CNIH3: variants seen among roughly 807,000 people sequenced by gnomAD.
CNIH3 encodes the protein cornichon family AMPA receptor auxiliary protein 3.
Under a neutral mutation model 24.1 loss-of-function variants are expected in CNIH3, and 14 were observed. The observed-to-expected ratio is 0.58, with a 90% CI of 0.38 to 0.91. The LOEUF is 0.91. CNIH3 is among the 40% of genes least tolerant of loss of function. The pLI, the probability that CNIH3 is intolerant of heterozygous loss-of-function variation, is 0.00. For synonymous variants in CNIH3, 68 were observed against 73.8 expected, an observed-to-expected ratio of 0.92 and a Z score of 0.40; for missense variants, 178 against 196.8, an observed-to-expected ratio of 0.90 and a Z score of 0.57.
chr1:224,609,769 C>A (rs1374721525), intron 3 of CNIH3, among the ~76,000 whole-genome samples: 1 of 152,144 alleles, frequency 6.6e-6, no homozygotes, highest in Non-Finnish European at 1.5e-5. Context: ...TCCCATGAAT[C>A]CAAAGGCATT....
At chr1:224,570,910 T>C (rs1680790673) in intron 4 of CNIH3, among the ~76,000 whole-genome samples, 1 of 148,334 alleles carries the variant, frequency 6.7e-6, no homozygotes, top group Non-Finnish European at 1.5e-5. Flanking sequence ...TCATATTTCT[T>C]TTTTTTTTTT....
chr1:224,673,535 A>C (rs1412495674), intron 1 of CNIH3, among the ~76,000 whole-genome samples: 1 of 152,072 alleles, frequency 6.6e-6, no homozygotes, highest in Non-Finnish European at 1.5e-5. Context: ...GCTCCTGGAC[A>C]TTCAGTCCTC....
At chr1:224,590,614 C>G (rs1681711580), downstream of CNIH3, among the ~76,000 whole-genome samples, 1 of 152,172 alleles carries the variant, frequency 6.6e-6, no homozygotes, top group Non-Finnish European at 1.5e-5. Flanking sequence ...ACCAAACTTG[C>G]AGTCTTAAGC....
At chr1:224,463,773 A>ATTTATTTATT (rs1676034230) in intron 1 of CNIH3, among the ~76,000 whole-genome samples, 1 of 20,730 alleles carries the variant, frequency 4.8e-5, no homozygotes, top group Admixed American at 8.8e-4. Flanking sequence ...AATTGTCCTC[A>ATTTATTTATT]TTTTTTTTTT....
intron 3 of CNIH3, among the ~76,000 whole-genome samples, chr1:224,593,949 T>C (rs1681869482): frequency 1.3e-5 from 2 of 152,138 alleles, no homozygotes; most frequent in South Asian, 4.2e-4. Context: ...AGTAAACAAA[T>C]GAAAGGTAGG....
chr1:224,503,398 C>G (rs890373667), intron 1 of CNIH3, among the ~76,000 whole-genome samples: 11 of 152,224 alleles, frequency 7.2e-5, no homozygotes, highest in African/African-American at 2.2e-4. Flanking sequence ...CACCCTCCCC[C>G]CTCTTATTTC....
rs1228281520 is a variant in CNIH3, at chr1:224,617,148, G to A, written c.-27G>A. The A allele has an allele frequency of 6.2e-7, 1 of 1,612,866 alleles. No individual in the cohort carries two copies. The highest frequency in any genetic ancestry group is 8.5e-7 in the Non-Finnish European group (1 of 1,179,402). On this transcript the variant is annotated 5_prime_UTR_variant, in exon 1 of 6. The change creates a new upstream start codon in the 5' untranslated region. Transcript: ENST00000272133. ...CGGGCTCCTAGGGGCTTCTTGGCGT[G>A]TGTGGTGGGATTGGGGTCCGCCGGC... is the stretch of plus-strand genomic sequence containing the variant.
chr1:224,669,343 T>C (rs528972827), intron 1 of CNIH3, among the ~76,000 whole-genome samples: 6 of 152,344 alleles, frequency 3.9e-5, no homozygotes, highest in African/African-American at 1.2e-4. Context: ...TCCCAATTTG[T>C]ACTCATCATT....
chr1:224,607,226 A>C (rs1314465941), intron 3 of CNIH3, among the ~76,000 whole-genome samples: 3 of 152,088 alleles, frequency 2.0e-5, no homozygotes, highest in Admixed American at 2.0e-4. Context: ...ATAAAAGAAA[A>C]TGGTGGGAGG....
At chr1:224,493,195 T>G (rs1227631139) in intron 1 of CNIH3, among the ~76,000 whole-genome samples, 1 of 152,266 alleles carries the variant, frequency 6.6e-6, no homozygotes, top group Non-Finnish European at 1.5e-5. Flanking sequence ...GGAAGTTATT[T>G]GGCTAGTCTT....
At chr1:224,473,060 G>C (rs1175878921) in intron 1 of CNIH3, among the ~76,000 whole-genome samples, 1 of 152,024 alleles carries the variant, frequency 6.6e-6, no homozygotes, top group Non-Finnish European at 1.5e-5. Context: ...TTTTACTGTG[G>C]ATGATAGAGA....
chr1:224,540,848 A>G (rs200899277), downstream of CNIH3, among the ~76,000 whole-genome samples: 1 of 152,220 alleles, frequency 6.6e-6, no homozygotes, highest in East Asian at 1.9e-4. Context: ...TAATTATACA[A>G]TTTTGCATTT....
intron 1 of CNIH3, among the ~76,000 whole-genome samples, chr1:224,520,758 T>A (rs1208877693): frequency 6.6e-6 from 1 of 152,238 alleles, no homozygotes; most frequent in African/African-American, 2.4e-5. Flanking sequence ...GAACTCCTGC[T>A]TATTCCTTGC....
chr1:224,690,107 A>G (rs1686858943), intron 3 of CNIH3, among the ~76,000 whole-genome samples: 1 of 152,248 alleles, frequency 6.6e-6, no homozygotes, highest in Non-Finnish European at 1.5e-5. Flanking sequence ...TGGTATGAGA[A>G]TAAGGAGAAA....
chr1:224,473,352 C>T (rs977654612), intron 1 of CNIH3, among the ~76,000 whole-genome samples: 10 of 151,930 alleles, frequency 6.6e-5, no homozygotes, highest in Non-Finnish European at 1.5e-4. Context: ...AATTGGTAAT[C>T]GACTACACTC....
chr1:224,483,566 T>A (rs562739516), intron 1 of CNIH3, among the ~76,000 whole-genome samples: 1 of 146,680 alleles, frequency 6.8e-6, no homozygotes, highest in African/African-American at 2.5e-5. Context: ...ATTTTTGTAT[T>A]TTTTTTTTTT....
intron 3 of CNIH3, among the ~76,000 whole-genome samples, chr1:224,547,168 G>C (rs989076467): frequency 9.2e-5 from 14 of 152,186 alleles, no homozygotes; most frequent in African/African-American, 3.1e-4. Flanking sequence ...GATGACTGGG[G>C]AAGAATAAAG....
chr1:224,506,285 G>GCGCA lies in CNIH3; in HGVS notation n.204-9454_204-9451dup, dbSNP rs1553259713. 3.5e-5 allele frequency among the ~76,000 whole-genome samples: 5 copies of GCGCA among 143,720 alleles called. No individual in the cohort carries two copies. The South Asian group carries it at 1.1e-3, about 31-fold the overall frequency. 94.3% of individuals were successfully genotyped at this position (143,720 alleles called of 152,430 possible). On this transcript the variant is annotated intron_variant and non_coding_transcript_variant, in intron 1 of 5. Coordinates refer to the CNIH3 transcript ENST00000471578. ...TGCACGCACACGCGCGCGCGCGCGCGCGCACACACACACACACACGGTCAC... is the reference window on the plus strand; with the variant it reads ...TGCACGCACACGCGCGCGCGCGCGCGCGCACGCACACACACACACACACGGTCAC...
intron 2 of CNIH3, among the ~76,000 whole-genome samples, chr1:224,527,516 A>G (rs1018516268): frequency 6.6e-6 from 1 of 152,198 alleles, no homozygotes; most frequent in Non-Finnish European, 1.5e-5. Context: ...GTGTGCTCAT[A>G]TCAGGCTGTT....
Sources: gnomAD v4.1 joint callset for allele counts (sites outside exome capture counted in the v4.1 genomes callset) on GRCh38, gnomAD v4.1.1 for gene constraint, MANE v1.5 for transcripts, NCBI Gene and HGNC (gene_info 2026-07-23, HGNC 2026-07-21) for gene names.